Variants in AMOTL1 observed in about 807,000 individuals in gnomAD.
AMOTL1 encodes angiomotin-like protein 1.
A neutral mutation model predicts 102.9 loss-of-function variants in AMOTL1; 45 were observed. That is an observed-to-expected ratio of 0.44 (90% CI 0.34 to 0.56). AMOTL1 has a LOEUF of 0.56. Among genes scored for constraint, AMOTL1 ranks in the 20% least tolerant of loss-of-function variants. AMOTL1 has a pLI of 0.01. For missense variants in AMOTL1, 1,114 were observed against 1,225.6 expected (o/e 0.91, Z 1.36); for synonymous variants, 481 against 484.7 (o/e 0.99, Z 0.10).
upstream of AMOTL1, among the ~76,000 whole-genome samples, chr11:94,765,443 A>G (rs766190349): frequency 9.9e-5 from 15 of 152,188 alleles, no homozygotes; most frequent in Non-Finnish European, 2.2e-4. Context: ...CCTGAACAAT[A>G]GATTCAGGAA....
intron 6 of AMOTL1, among the ~76,000 whole-genome samples, chr11:94,849,340 T>G (rs1952482851): frequency 6.6e-6 from 1 of 152,220 alleles, no homozygotes; most frequent in South Asian, 2.1e-4. Context: ...TTTTGCAACA[T>G]GAAAAGTATT....
At chr11:94,803,545 G>A (rs1255228028) in intron 3 of AMOTL1, among the ~76,000 whole-genome samples, 1 of 152,182 alleles carries the variant, frequency 6.6e-6, no homozygotes, top group Non-Finnish European at 1.5e-5. Context: ...GGATAAGAAT[G>A]AGGACAAGAT....
At chr11:94,706,793 C>T (rs1376983173) in intron 1 of AMOTL1, among the ~76,000 whole-genome samples, 1 of 152,176 alleles carries the variant, frequency 6.6e-6, no homozygotes, top group Non-Finnish European at 1.5e-5. Context: ...CAGCTTTGAG[C>T]TGCAGTGGTG....
At chr11:94,811,285 G>A (rs1000591571) in intron 3 of AMOTL1, among the ~76,000 whole-genome samples, 7 of 152,032 alleles carry the variant, frequency 4.6e-5, no homozygotes, top group South Asian at 2.1e-4. Context: ...CTGAGGTCAG[G>A]GGTTCGAGAC....
chr11:94,840,314 T>C (rs746965078), intron 6 of AMOTL1, among the ~76,000 whole-genome samples: 3 of 152,166 alleles, frequency 2.0e-5, no homozygotes, highest in Non-Finnish European at 2.9e-5. Flanking sequence ...GGGGACAAAG[T>C]GTTTGTTTTA....
intron 6 of AMOTL1, among the ~76,000 whole-genome samples, chr11:94,847,165 C>A (rs555032466): frequency 1.2e-4 from 19 of 152,294 alleles, no homozygotes; most frequent in African/African-American, 4.6e-4. Context: ...TTTGTCCAGT[C>A]TCCACATCTT....
chr11:94,727,792 A>G (rs1244285352), intron 1 of AMOTL1, among the ~76,000 whole-genome samples: 1 of 152,200 alleles, frequency 6.6e-6, no homozygotes. Flanking sequence ...ACAAATTGCT[A>G]GAGAAGCAGT....
intron 1 of AMOTL1, among the ~76,000 whole-genome samples, chr11:94,770,079 T>C (rs1228214818): frequency 6.6e-6 from 1 of 152,176 alleles, no homozygotes; most frequent in African/African-American, 2.4e-5. Flanking sequence ...CTTCCAAAAC[T>C]GGCCTATGGG....
At chr11:94,737,551 G>A (rs1399272887) in intron 2 of AMOTL1, among the ~76,000 whole-genome samples, 1 of 152,168 alleles carries the variant, frequency 6.6e-6, no homozygotes, top group Admixed American at 6.5e-5. Flanking sequence ...TTTACACAAA[G>A]CTAAGGCTGA....
chr11:94,790,135 CT>C (rs1951258927), intron 1 of AMOTL1, among the ~76,000 whole-genome samples: 1 of 152,134 alleles, frequency 6.6e-6, no homozygotes, highest in African/African-American at 2.4e-5. Flanking sequence ...GGATCTTTGT[CT>C]TTTCTTTAAC....
intron 3 of AMOTL1, among the ~76,000 whole-genome samples, chr11:94,758,462 A>C (rs1325574059): frequency 6.6e-6 from 1 of 152,222 alleles, no homozygotes; most frequent in Non-Finnish European, 1.5e-5. Context: ...ACTGATTGGC[A>C]AAAAGCAAGC....
chr11:94,800,339 C>T (rs375975260), intron 3 of AMOTL1, 28 bp downstream of exon 3: 74 of 1,536,716 alleles, frequency 4.8e-5, no homozygotes, highest in Non-Finnish European at 5.9e-5. Context: ...ACGTTTCGTG[C>T]GGCTTTTCAA....
chr11:94,736,893 C>A (rs766825680), intron 2 of AMOTL1, among the ~76,000 whole-genome samples: 1 of 152,294 alleles, frequency 6.6e-6, no homozygotes, highest in Non-Finnish European at 1.5e-5. Flanking sequence ...GTCTGCAGTG[C>A]CTTGCACAGC....
At chr11:94,868,933 C>T (rs1318483974) in intron 11 of AMOTL1, among the ~76,000 whole-genome samples, 3 of 147,970 alleles carry the variant, frequency 2.0e-5, no homozygotes, top group Non-Finnish European at 1.5e-5. Flanking sequence ...TTGACAACTA[C>T]TTCTCCACTC....
At chr11:94,748,304 A>G (rs778718777) in intron 3 of AMOTL1, among the ~76,000 whole-genome samples, 1 of 152,210 alleles carries the variant, frequency 6.6e-6, no homozygotes, top group African/African-American at 2.4e-5. Flanking sequence ...CTACTATCAC[A>G]TCCGCATTCT....
chr11:94,857,442 A>G (rs1952691005), intron 8 of AMOTL1, among the ~76,000 whole-genome samples: 1 of 152,218 alleles, frequency 6.6e-6, no homozygotes, highest in Non-Finnish European at 1.5e-5. Context: ...TTGGGACAAT[A>G]GGACTAGCAG....
At chr11:94,743,411 T>C (rs954798732) in intron 3 of AMOTL1, among the ~76,000 whole-genome samples, 3 of 152,184 alleles carry the variant, frequency 2.0e-5, no homozygotes, top group African/African-American at 7.2e-5. Context: ...CAGACTGCCT[T>C]GTTTTCATGC....
At chr11:94,716,061 T>C (rs1294955758) in intron 1 of AMOTL1, among the ~76,000 whole-genome samples, 2 of 152,126 alleles carry the variant, frequency 1.3e-5, no homozygotes, top group African/African-American at 2.4e-5. Flanking sequence ...TTATTTTTCC[T>C]TTTTTGTACA....
intron 2 of AMOTL1, among the ~76,000 whole-genome samples, chr11:94,797,491 G>T (rs1256466848): frequency 2.4e-4 from 36 of 152,196 alleles, no homozygotes; most frequent in Admixed American, 2.4e-3. Flanking sequence ...CTTTGCCTTT[G>T]AGGAGTTTAG....
Sources: gnomAD v4.1 joint callset for allele counts (sites outside exome capture counted in the v4.1 genomes callset) on GRCh38, gnomAD v4.1.1 for gene constraint, MANE v1.5 for transcripts, NCBI Gene and HGNC (gene_info 2026-07-23, HGNC 2026-07-21) for gene names.